Variants in SLC22A31 observed in about 807,000 individuals in gnomAD.
The protein encoded by SLC22A31 is solute carrier family 22 member 31, also known as putative solute carrier family 22 member 31.
A neutral mutation model predicts 27.4 loss-of-function variants in SLC22A31; 42 were observed. The observed-to-expected ratio is 1.53, with a 90% CI of 1.20 to 1.98. The LOEUF (loss-of-function observed/expected upper bound fraction) is 1.98. Ranked by LOEUF, SLC22A31 falls within the 30% of genes most tolerant of loss-of-function variation. The pLI is 0.00. For missense variants in SLC22A31, 593 were observed against 479.9 expected, an observed-to-expected ratio of 1.24 and a Z score of -2.20; for synonymous variants, 290 against 230.8, an observed-to-expected ratio of 1.26 and a Z score of -2.33.
In SLC22A31 at chr16:89,198,885, C is replaced by G. The variant is rs1046938981; in HGVS notation, c.453-88G>C. 5 of 1,490,190 alleles carry G rather than the reference C, an allele frequency of 3.4e-6. No homozygotes were observed. In the African/African-American group the frequency reaches 5.6e-5, roughly 17 times the overall value. 92.3% of individuals were successfully genotyped at this position (1,490,190 alleles called of 1,614,324 possible). A position where few individuals can be genotyped will look rare whatever the true frequency, so the allele number is the denominator to read the frequency against. ...CCAGGGCCCCCACCCCACCCCCAGG[C>G]TCAGGGGCAGGACATCACTGTAGTT... On this transcript the variant is annotated intron_variant, in intron 4 of 8. Transcript: ENST00000682282.
chr16:89,200,073 G>T (rs1170760449), intron 1 of SLC22A31: 1 of 355,990 alleles, frequency 2.8e-6, no homozygotes, highest in Non-Finnish European at 5.0e-6. Context: ...CCCTAGATAG[G>T]GCCTCCCCCA....
Position 89,198,102 on chromosome 16 carries a change from C to A in SLC22A31, c.922+20G>T. The A allele has an allele frequency of 6.5e-7, 1 of 1,533,034 alleles. No homozygotes were observed. Among genetic ancestry groups the A allele is most frequent in the Non-Finnish European group, 8.7e-7 (1 of 1,146,356 alleles). 95.0% of individuals were successfully genotyped at this position (1,533,034 alleles called of 1,614,324 possible). A position where few individuals can be genotyped will look rare whatever the true frequency, so the allele number is the denominator to read the frequency against. On this transcript the variant is annotated intron_variant, in intron 7 of 8. Transcript: ENST00000682282. Reference sequence around the variant, plus strand: ...CCAAACACAATGGCTCCTGTATGGCCTGCGGGGCCCCAAGCTCACACTGGG... The same window carrying A: ...CCAAACACAATGGCTCCTGTATGGCATGCGGGGCCCCAAGCTCACACTGGG...
chr16:89,197,577 G>T (rs893250490), intron 7 of SLC22A31, among the ~76,000 whole-genome samples, 168 bp from the exon 8 acceptor site: 4 of 152,124 alleles, frequency 2.6e-5, no homozygotes, highest in Non-Finnish European at 4.4e-5. Context: ...TCTGCAGCCT[G>T]ATTCCAGCCT....
In SLC22A31 at chr16:89,199,331, G is replaced by A. The variant is rs975230562; in HGVS notation, c.283+82C>T. On this transcript the variant is annotated intron_variant, in intron 3 of 8. Coordinates refer to ENST00000682282, the MANE Select transcript of SLC22A31 (RefSeq NM_001384763.1). ...CACTGCTCACTGTCCCTGCAGCTCG[G>A]GGCCCTCGGCAAGGGAGCCTCAGAG... The A allele has an allele frequency of 7.9e-6, 7 of 881,838 alleles. No individual in the cohort carries two copies. The African/African-American group carries it at 8.5e-5, about 11-fold the overall frequency. 54.6% of individuals were successfully genotyped at this position (881,838 alleles called of 1,614,324 possible).
Position 89,199,534 on chromosome 16 carries a change from C to G in SLC22A31, c.162G>C (p.Leu54=), listed in dbSNP as rs1326670107. 2.2e-6 allele frequency: 1 copy of G among 457,108 alleles called. No homozygotes were observed. Among genetic ancestry groups the G allele is most frequent in the Non-Finnish European group, 3.9e-6 (1 of 256,526 alleles). 28.3% of individuals were successfully genotyped at this position (457,108 alleles called of 1,614,324 possible). A position where few individuals can be genotyped will look rare whatever the true frequency, so the allele number is the denominator to read the frequency against. ...FGRRAVFVAS[L]VLTTGLGASE... is the part of the protein sequence containing the mutation. The stretch of plus-strand genomic sequence containing the variant: ...TGGCCCCCAGGCCTGTGGTCAGCAC[C>G]AGGGAGGCCACAAAAACTGCCCGGC... The change falls in exon 3 of 9, where the codon CTG becomes CTC. Residue 54 remains leucine, a synonymous_variant. Coordinates refer to ENST00000682282, the MANE Select transcript of SLC22A31 (RefSeq NM_001384763.1).
intron 7 of SLC22A31, 49 bp downstream of exon 7, chr16:89,198,073 C>G (rs117296012): frequency 6.6e-7 from 1 of 1,520,742 alleles, no homozygotes; most frequent in Non-Finnish European, 8.8e-7. Flanking sequence ...GGCAGACCGT[C>G]GGCCCAAACA....
chr16:89,199,397 C>T lies in SLC22A31; in HGVS notation c.283+16G>A. 1.7e-6 allele frequency: 1 copy of T among 589,710 alleles called. No individual in the cohort carries two copies. The highest frequency in any genetic ancestry group is 2.2e-5 in the South Asian group (1 of 45,892). The allele number at this position is 589,710 out of a possible 1,614,324, so 36.5% of individuals were successfully genotyped here. A position where few individuals can be genotyped will look rare whatever the true frequency, so the allele number is the denominator to read the frequency against. On this transcript the variant is annotated intron_variant, in intron 3 of 8. Coordinates refer to ENST00000682282, the MANE Select transcript of SLC22A31 (RefSeq NM_001384763.1). ...ACTGCCCCTCCCCCAGTGACAGCAGCCCCCAGGGTACTCACGAGCCAGATA... is the reference window on the plus strand; with the variant it reads ...ACTGCCCCTCCCCCAGTGACAGCAGTCCCCAGGGTACTCACGAGCCAGATA...
At position 89,199,280 on chromosome 16, in the gene SLC22A31, C is replaced by T. The variant is rs565427809; in HGVS notation, c.284-89G>A. ...ACTGCGGGGACCTATTGGTGACCTG[C>T]CCAGGAGCGGGATGCCCAAGGGACT... is the stretch of plus-strand genomic sequence containing the variant. On this transcript the variant is annotated intron_variant, in intron 3 of 8. Transcript: ENST00000682282. 17 of 1,316,070 alleles carry T rather than the reference C, an allele frequency of 1.3e-5. No homozygotes were observed. The East Asian group carries it at 4.1e-4, about 31-fold the overall frequency. 81.5% of individuals were successfully genotyped at this position (1,316,070 alleles called of 1,614,324 possible). A position where few individuals can be genotyped will look rare whatever the true frequency, so the allele number is the denominator to read the frequency against.
At chr16:89,196,377 C>T (rs377580157) in intron 8 of SLC22A31, 72 bp from the exon 9 acceptor site, 1 of 731,236 alleles carries the variant, frequency 1.4e-6, no homozygotes, top group Non-Finnish European at 1.7e-6. Flanking sequence ...CCAGGCCCAG[C>T]CCGGCCCCCC....
intron 4 of SLC22A31, 78 bp from the exon 5 acceptor site, chr16:89,198,875 C>T: frequency 1.3e-6 from 2 of 1,492,200 alleles, no homozygotes; most frequent in South Asian, 1.3e-5. Flanking sequence ...GCCCCCACCC[C>T]ACCCCCAGGC....
chr16:89,198,681 C>A lies in SLC22A31; in HGVS notation c.569G>T (p.Ser190Ile), dbSNP rs534025935. Residue 190 changes from serine (S) to isoleucine (I), a missense_variant, in exon 5 of 9, where the codon AGT becomes ATT. Coordinates refer to ENST00000682282, the MANE Select transcript of SLC22A31 (RefSeq NM_001384763.1). Reference protein sequence around the residue: ...AEASGVGPGDSSLEENSLATE... With the variant: ...AEASGVGPGDISLEENSLATE... Reference sequence around the variant, plus strand: ...AGCCAGGGAGTTCTCCTCCAAGGAACTGTCCCCGGGGCCCACGCCACTGGC... The same window carrying A: ...AGCCAGGGAGTTCTCCTCCAAGGAAATGTCCCCGGGGCCCACGCCACTGGC... The A allele has an allele frequency of 1.2e-4, 187 of 1,535,784 alleles. No homozygotes were observed. The African/African-American group carries it at 2.3e-3, about 19-fold the overall frequency.
At chr16:89,201,004 C>G (rs1916553604), upstream of SLC22A31, 1 of 351,336 alleles carries the variant, frequency 2.8e-6, no homozygotes, top group African/African-American at 2.1e-5. Flanking sequence ...GGCTCCAATC[C>G]TCCAGCGCCC....
In SLC22A31 at chr16:89,199,514, C is replaced by G; in HGVS notation, c.182G>C (p.Gly61Ala). ...GCTGGCAGCCAGGGCCTCACTGGCC[C>G]CCAGGCCTGTGGTCAGCACCAGGGA... ...VASLVLTTGL[G>A]ASEALAASFP... is the part of the protein sequence containing the mutation. Residue 61 changes from glycine to alanine, a missense_variant, in exon 3 of 9, where the codon GGG becomes GCG. By Grantham distance (60) the Gly-to-Ala change is moderately conservative (BLOSUM62 0). Coordinates refer to ENST00000682282, the MANE Select transcript of SLC22A31 (RefSeq NM_001384763.1). 3 of 495,938 alleles carry G rather than the reference C, an allele frequency of 6.0e-6. No individual in the cohort carries two copies. Among genetic ancestry groups the G allele is most frequent in the Non-Finnish European group, 1.1e-5 (3 of 277,398 alleles). The allele number at this position is 495,938 out of a possible 1,614,324, so 30.7% of individuals were successfully genotyped here.
Position 89,198,520 on chromosome 16 carries a change from TG to T in SLC22A31, c.628del (p.Gln210SerfsTer68). The T allele has an allele frequency of 3.3e-6, 5 of 1,510,852 alleles. No homozygotes were observed. The highest frequency in any genetic ancestry group is 3.5e-6 in the Non-Finnish European group (4 of 1,132,090). The allele number at this position is 1,510,852 out of a possible 1,614,324, so 93.6% of individuals were successfully genotyped here. ...ELTMLSARSP[Q>X]PRYHSPLGLL... ...CCCCAGTGGGGAGTGGTACCGGGGC[TG>T]GGGGCTCCGTGCAGACAGCATGGTC... On this transcript the variant is annotated frameshift_variant, in exon 6 of 9. Coordinates refer to ENST00000682282, the MANE Select transcript of SLC22A31 (RefSeq NM_001384763.1). LOFTEE classifies it high-confidence loss of function.
At position 89,195,867 on chromosome 16, in the gene SLC22A31, C is replaced by A; in HGVS notation, c.*132G>T. 1 of 1,109,382 alleles carries A rather than the reference C, an allele frequency of 9.0e-7. No homozygotes were observed. 68.7% of individuals were successfully genotyped at this position (1,109,382 alleles called of 1,614,324 possible). A position where few individuals can be genotyped will look rare whatever the true frequency, so the allele number is the denominator to read the frequency against. On this transcript the variant is annotated 3_prime_UTR_variant, in exon 9 of 9. Transcript: ENST00000682282. The stretch of plus-strand genomic sequence containing the variant: ...TGGAGACACCTTCACGCTGTCCCCA[C>A]GGCTCCACCTGCACTGAGACACGGG...
chr16:89,195,894 T>G lies in SLC22A31; in HGVS notation c.*105A>C. 7.7e-7 allele frequency: 1 copy of G among 1,292,204 alleles called. No individual in the cohort carries two copies. The allele number at this position is 1,292,204 out of a possible 1,614,324, so 80.0% of individuals were successfully genotyped here. The stretch of plus-strand genomic sequence containing the variant: ...GCTCCACCTGCACTGAGACACGGGC[T>G]TCTGAGAGGAATGTGTCTGCCCTGG... On this transcript the variant is annotated 3_prime_UTR_variant, in exon 9 of 9. Transcript: ENST00000682282.
Position 89,200,512 on chromosome 16 carries a change from A to C in SLC22A31, c.-11T>G, listed in dbSNP as rs1012105525. Among the ~76,000 whole-genome samples, 32 of 152,282 alleles carry C rather than the reference A, an allele frequency of 2.1e-4. No individual in the cohort carries two copies. Among genetic ancestry groups the C allele is most frequent in the Admixed American group, 1.8e-3 (28 of 15,290 alleles). ...AAGCTGATGGGGCATTCCTGGATCC[A>C]GGCACCAAACAGGAGGAGGGCAGGT... On this transcript the variant is annotated 5_prime_UTR_variant, in exon 1 of 9. Transcript: ENST00000682282.
intron 4 of SLC22A31, 56 bp downstream of exon 4, chr16:89,198,967 G>A (rs1273698440): frequency 1.3e-6 from 2 of 1,517,538 alleles, no homozygotes; most frequent in African/African-American, 2.8e-5. Context: ...GGTGCAGAGG[G>A]AAGCTACATA....
intron 1 of SLC22A31, 125 bp downstream of exon 1, chr16:89,200,353 G>C (rs1916453899): frequency 6.5e-6 from 1 of 152,696 alleles, no homozygotes; most frequent in Admixed American, 6.5e-5. Flanking sequence ...TTCCCGGTGA[G>C]GCCCTTGACC....
Sources: gnomAD v4.1 joint callset for allele counts (sites outside exome capture counted in the v4.1 genomes callset) on GRCh38, gnomAD v4.1.1 for gene constraint, MANE v1.5 for transcripts, NCBI Gene and HGNC (gene_info 2026-07-23, HGNC 2026-07-21) for gene names.